The following FAM184B variants were observed in gnomAD, a reference collection of about 807,000 sequenced individuals.
FAM184B encodes the protein protein FAM184B.
In FAM184B, 111 loss-of-function variants were observed where a neutral mutation model predicts 135.9. The ratio of observed to expected loss-of-function variants is 0.82; its 90% CI spans 0.70 to 0.96. FAM184B has a LOEUF of 0.96. Ranked by LOEUF, FAM184B falls within the 40% of genes least tolerant of loss-of-function variation. The pLI is 0.00. For missense variants in FAM184B, 1,375 were observed against 1,323.9 expected, an observed-to-expected ratio of 1.04 and a Z score of -0.60; for synonymous variants, 552 against 524.8, an observed-to-expected ratio of 1.05 and a Z score of -0.71.
At chr4:17,722,204 C>A (rs1021342948) in intron 1 of FAM184B, among the ~76,000 whole-genome samples, 7 of 152,172 alleles carry the variant, frequency 4.6e-5, no homozygotes, top group Admixed American at 6.5e-5. Flanking sequence ...CACAGGACAC[C>A]AAAAGGCCAC....
intron 2 of FAM184B, among the ~76,000 whole-genome samples, chr4:17,708,468 G>C (rs1717165098): frequency 6.6e-6 from 1 of 151,128 alleles, no homozygotes; most frequent in South Asian, 2.1e-4. Context: ...AACATGGCGA[G>C]ATCCTGTCTG....
intron 7 of FAM184B, among the ~76,000 whole-genome samples, chr4:17,678,710 C>G (rs923732408): frequency 1.3e-5 from 2 of 152,026 alleles, no homozygotes; most frequent in Non-Finnish European, 2.9e-5. Context: ...AAAAGGAACC[C>G]ACACAGCCAA....
chr4:17,639,831 C>CT (rs11445596), intron 13 of FAM184B, among the ~76,000 whole-genome samples: 8,240 of 143,738 alleles, frequency 0.057, 709 homozygotes, highest in African/African-American at 0.19. Flanking sequence ...CCTCCCTGAA[C>CT]TTTTTTTTTT....
Position 17,709,332 on chromosome 4 carries a change from G to A in FAM184B, c.454C>T (p.Leu152=). 6.5e-7 allele frequency: 1 copy of A among 1,550,024 alleles called. No individual in the cohort carries two copies. The change falls in exon 2 of 18, where the codon CTG becomes TTG. Residue 152 remains leucine, a synonymous_variant. Transcript: ENST00000265018. ...ERVLTLSREM[L]ELKADYERRL... ...CTCTCGTAGTCAGCCTTGAGCTCCAGCATTTCCCTGGAGAGCGTGAGGACT... is the reference window on the plus strand; with the variant it reads ...CTCTCGTAGTCAGCCTTGAGCTCCAACATTTCCCTGGAGAGCGTGAGGACT...
intron 1 of FAM184B, among the ~76,000 whole-genome samples, chr4:17,765,871 C>T (rs568291031): frequency 2.0e-5 from 3 of 152,108 alleles, no homozygotes; most frequent in Admixed American, 6.5e-5. Flanking sequence ...TTCGGGGTCT[C>T]CCTGGTTTCA....
At chr4:17,759,171 T>A (rs574336384) in intron 1 of FAM184B, among the ~76,000 whole-genome samples, 1 of 152,288 alleles carries the variant, frequency 6.6e-6, no homozygotes, top group Non-Finnish European at 1.5e-5. Context: ...TTTCTCCCAG[T>A]CTCCTTGATA....
chr4:17,733,132 A>T (rs1365477508), intron 1 of FAM184B, among the ~76,000 whole-genome samples: 1 of 152,112 alleles, frequency 6.6e-6, no homozygotes, highest in Non-Finnish European at 1.5e-5. Context: ...GACAAAATTC[A>T]ACAACCCTTC....
At chr4:17,724,158 C>T (rs185374876) in intron 1 of FAM184B, among the ~76,000 whole-genome samples, 1 of 152,190 alleles carries the variant, frequency 6.6e-6, no homozygotes, top group Non-Finnish European at 1.5e-5. Context: ...CTTACATACA[C>T]ATGCATATGT....
At chr4:17,637,313 C>T (rs1715172136) in intron 14 of FAM184B, among the ~76,000 whole-genome samples, 1 of 152,222 alleles carries the variant, frequency 6.6e-6, no homozygotes, top group African/African-American at 2.4e-5. Context: ...AGGCGTGGGC[C>T]ACCGCGCCCG....
At chr4:17,775,327 C>T (rs565066810) in intron 1 of FAM184B, among the ~76,000 whole-genome samples, 53 of 152,022 alleles carry the variant, frequency 3.5e-4, no homozygotes, top group African/African-American at 1.1e-3. Context: ...CTGGGACTAC[C>T]GGTGCGTGCC....
intron 10 of FAM184B, among the ~76,000 whole-genome samples, chr4:17,657,639 T>C (rs1715805553): frequency 6.7e-6 from 1 of 149,392 alleles, no homozygotes; most frequent in South Asian, 2.1e-4. Flanking sequence ...GGAAAGGTCT[T>C]TGTGGCTGAG....
At chr4:17,766,244 T>C (rs1290135140) in intron 1 of FAM184B, among the ~76,000 whole-genome samples, 1 of 152,216 alleles carries the variant, frequency 6.6e-6, no homozygotes, top group African/African-American at 2.4e-5. Context: ...AGAGAGCTGA[T>C]TGGTCCGTTT....
At chr4:17,735,361 G>A (rs1717883775) in intron 1 of FAM184B, among the ~76,000 whole-genome samples, 1 of 151,660 alleles carries the variant, frequency 6.6e-6, no homozygotes, top group South Asian at 2.1e-4. Context: ...ATTAAAAAAA[G>A]AAAGTTCGAT....
chr4:17,653,929 A>AGAGGGAGGGAG (rs1715711202), intron 10 of FAM184B, among the ~76,000 whole-genome samples: 2 of 72,220 alleles, frequency 2.8e-5, no homozygotes, highest in Admixed American at 1.7e-4. Context: ...AGGGAGGGGG[A>AGAGGGAGGGAG]GGGGGATTTG....
chr4:17,652,050 T>A (rs555057007), intron 11 of FAM184B, among the ~76,000 whole-genome samples: 2 of 151,844 alleles, frequency 1.3e-5, no homozygotes, highest in African/African-American at 4.8e-5. Flanking sequence ...TTACATGCAA[T>A]AATAATGATG....
intron 11 of FAM184B, among the ~76,000 whole-genome samples, chr4:17,650,555 A>T (rs1715587529): frequency 6.6e-6 from 1 of 152,138 alleles, no homozygotes; most frequent in South Asian, 2.1e-4. Flanking sequence ...GGTGGCAGGG[A>T]CAGCTGCACT....
intron 12 of FAM184B, among the ~76,000 whole-genome samples, chr4:17,647,421 A>G (rs1239036336): frequency 6.6e-6 from 1 of 150,572 alleles, no homozygotes; most frequent in Non-Finnish European, 1.5e-5. Context: ...CTAATTTTCA[A>G]TTTTTTTTTG....
chr4:17,709,521 G>C lies in FAM184B; in HGVS notation c.265C>G (p.Gln89Glu). Residue 89 changes from glutamine to glutamate, a missense_variant, in exon 2 of 18, where the codon CAG becomes GAG. Physicochemically the swap from Gln to Glu is conservative, Grantham distance 29. Coordinates refer to ENST00000265018, the MANE Select transcript of FAM184B (RefSeq NM_015688.2). ...AGGGCTTCCTCCTCTGCGCAGCCCT[G>C]TTCCTGCAGGAGCCTGGCCTTGGTC... The part of the protein sequence containing the change: ...AETKARLLQE[Q>E]GCAEEEALLQ... 1 of 1,551,082 alleles carries C rather than the reference G, an allele frequency of 6.4e-7. No homozygotes were observed. The highest frequency in any genetic ancestry group is 1.2e-5 in the South Asian group (1 of 84,032).
At chr4:17,775,576 T>C (rs1167837488) in intron 1 of FAM184B, among the ~76,000 whole-genome samples, 1 of 152,222 alleles carries the variant, frequency 6.6e-6, no homozygotes, top group East Asian at 1.9e-4. Context: ...TACCCAACAT[T>C]TGTATTCCAG....
Sources: allele counts gnomAD v4.1 joint callset (sites outside exome capture counted in the v4.1 genomes callset), GRCh38; gene constraint gnomAD v4.1.1; transcripts MANE v1.5; gene names NCBI Gene and HGNC (gene_info 2026-07-23, HGNC 2026-07-21).